The following MYH15 variants were observed in gnomAD, a reference collection of about 807,000 sequenced individuals.
MYH15 encodes the protein myosin-15.
In MYH15, 227 loss-of-function variants were observed where a neutral mutation model predicts 240.5. The ratio of observed to expected loss-of-function variants is 0.94; its 90% CI spans 0.85 to 1.05. The LOEUF is 1.05. Ranked by LOEUF, MYH15 falls within the 50% of genes least tolerant of loss-of-function variation. MYH15 has a pLI of 0.00. For missense variants in MYH15, 2,217 were observed against 2,247.5 expected, an observed-to-expected ratio of 0.99 and a Z score of 0.27; for synonymous variants, 785 against 796.7, an observed-to-expected ratio of 0.99 and a Z score of 0.25.
chr3:108,401,913 G>A (rs1220650642), intron 33 of MYH15, among the ~76,000 whole-genome samples: 3 of 152,096 alleles, frequency 2.0e-5, no homozygotes, highest in South Asian at 4.1e-4. Context: ...ATGCATTCAG[G>A]ACCAAGGGCA....
intron 11 of MYH15, among the ~76,000 whole-genome samples, chr3:108,481,748 G>C (rs902684487): frequency 2.6e-5 from 4 of 152,198 alleles, no homozygotes; most frequent in Admixed American, 6.5e-5. Flanking sequence ...GGATTAGAGA[G>C]AGACAGAGAA....
chr3:108,486,217 C>G (rs1360605659), intron 10 of MYH15, among the ~76,000 whole-genome samples: 1 of 152,158 alleles, frequency 6.6e-6, no homozygotes, highest in Non-Finnish European at 1.5e-5. Flanking sequence ...GTTGAAATAT[C>G]TTTCTACTTT....
At chr3:108,392,762 A>G (rs958753471) in intron 36 of MYH15, among the ~76,000 whole-genome samples, 2 of 152,238 alleles carry the variant, frequency 1.3e-5, no homozygotes, top group Non-Finnish European at 2.9e-5. Flanking sequence ...AGAAAATCTT[A>G]TCAAGGCAAG....
intron 3 of MYH15, 118 bp from the exon 4 acceptor site, chr3:108,500,392 G>C (rs2083427108): frequency 9.2e-7 from 1 of 1,089,894 alleles, no homozygotes; most frequent in African/African-American, 1.6e-5. Context: ...ACTCAGAGGG[G>C]AGCTTTTGGA....
chr3:108,547,516 T>C, the MYH15 span, among the ~76,000 whole-genome samples: 2,952 of 147,612 alleles, frequency 0.02, 106 homozygotes, highest in African/African-American at 0.07. Context: ...AAAAATAATA[T>C]CAAAAAGTTC....
chr3:108,430,808 C>A, intron 26 of MYH15, 24 bp downstream of exon 26: 1 of 1,548,446 alleles, frequency 6.5e-7, no homozygotes, highest in Non-Finnish European at 8.9e-7. Context: ...TATAAATACA[C>A]AGGCATATTT....
At chr3:108,444,995 T>TA in intron 21 of MYH15, 100 bp from the exon 22 acceptor site, 1 of 1,341,236 alleles carries the variant, frequency 7.5e-7, no homozygotes, top group East Asian at 2.4e-5. Context: ...TTAGGAGTCA[T>TA]AAAAAATTCT....
chr3:108,500,085 T>A, intron 4 of MYH15, 33 bp downstream of exon 4: 1 of 1,602,756 alleles, frequency 6.2e-7, no homozygotes, highest in Non-Finnish European at 8.5e-7. Flanking sequence ...GATCAGATAT[T>A]TTTACTTTTC....
upstream of MYH15, among the ~76,000 whole-genome samples, chr3:108,530,335 G>C (rs990948474): frequency 3.9e-5 from 6 of 152,102 alleles, 1 homozygote; most frequent in Admixed American, 3.3e-4. Context: ...AAAATTACCA[G>C]GCAGAAAAGG....
chr3:108,507,258 T>TTCAC (rs772256475), intron 1 of MYH15, among the ~76,000 whole-genome samples: 2 of 56,918 alleles, frequency 3.5e-5, no homozygotes, highest in East Asian at 4.3e-4. Context: ...TATATATATA[T>TTCAC]ATATATATAT....
chr3:108,544,429 T>G, the MYH15 span, among the ~76,000 whole-genome samples: 1 of 152,146 alleles, frequency 6.6e-6, no homozygotes, highest in Non-Finnish European at 1.5e-5. Flanking sequence ...AGTATGATCA[T>G]AAGTTGGGTG....
intron 1 of MYH15, among the ~76,000 whole-genome samples, chr3:108,516,967 C>T (rs779691386): frequency 4.6e-4 from 70 of 152,288 alleles, no homozygotes; most frequent in South Asian, 1.2e-3. Flanking sequence ...TCCCATCCCT[C>T]CACAGAAACT....
intron 18 of MYH15, among the ~76,000 whole-genome samples, chr3:108,458,051 T>C (rs1432246561): frequency 7.5e-6 from 1 of 134,014 alleles, no homozygotes; most frequent in African/African-American, 2.6e-5. Flanking sequence ...CTGTCTCAAA[T>C]TATTTTTTTT....
intron 25 of MYH15, among the ~76,000 whole-genome samples, chr3:108,431,755 G>A (rs1211003882): frequency 6.6e-6 from 1 of 152,156 alleles, no homozygotes; most frequent in African/African-American, 2.4e-5. Flanking sequence ...GAAGAAGAAA[G>A]GAAAATGCGG....
Position 108,505,715 on chromosome 3 carries a change from T to G in MYH15, c.195+8A>C, listed in dbSNP as rs771573602. 1.3e-6 allele frequency: 2 copies of G among 1,573,080 alleles called. No homozygotes were observed. Among genetic ancestry groups the G allele is most frequent in the South Asian group, 2.3e-5 (2 of 87,580 alleles). On this transcript the variant is annotated splice_region_variant and intron_variant, in intron 2 of 40. Coordinates refer to ENST00000693548, the MANE Select transcript of MYH15 (RefSeq NM_014981.3). Reference sequence around the variant, plus strand: ...GTCATCACTGCAATGAAATAAAAATTTCTTTACCTCTCCATCTGCTGTCTC... The same window carrying G: ...GTCATCACTGCAATGAAATAAAAATGTCTTTACCTCTCCATCTGCTGTCTC...
intron 27 of MYH15, among the ~76,000 whole-genome samples, chr3:108,426,217 A>C (rs972700847): frequency 6.6e-6 from 1 of 151,854 alleles, no homozygotes; most frequent in African/African-American, 2.4e-5. Flanking sequence ...AAAAAAAAAA[A>C]AACCCTAAGG....
Position 108,487,683 on chromosome 3 carries a change from C to CAAGG in MYH15, c.872-1161_872-1158dup, listed in dbSNP as rs1377784875. Among the ~76,000 whole-genome samples, 4 of 152,080 alleles carry CAAGG rather than the reference C, an allele frequency of 2.6e-5. No individual in the cohort carries two copies. The East Asian group carries it at 7.7e-4, about 29-fold the overall frequency. ...CAGGAGGGAGGTATTATAAAAGATC[C>CAAGG]AAGGACACTTTTGAAAGTATACATG... On this transcript the variant is annotated intron_variant, in intron 9 of 40. Transcript: ENST00000693548.
In MYH15 at chr3:108,416,898, C is replaced by T. The variant is rs368413041; in HGVS notation, c.3862G>A (p.Ala1288Thr). Residue 1288 changes from alanine to threonine, a missense_variant, in exon 29 of 41, where the codon GCT becomes ACT. By Grantham distance (58) the Ala-to-Thr change is moderately conservative. Transcript: ENST00000693548. ...EFLRRLEEKE[A>T]LINQLSREKS... The stretch of plus-strand genomic sequence containing the variant: ...TCCCTGGAAAGTTGGTTTATCAGAG[C>T]CTCCTTCTCTTCAAGCCTCCGTAGG... 1 of 1,613,846 alleles carries T rather than the reference C, an allele frequency of 6.2e-7. No individual in the cohort carries two copies. The highest frequency in any genetic ancestry group is 1.3e-5 in the African/African-American group (1 of 74,874).
intron 1 of MYH15, among the ~76,000 whole-genome samples, chr3:108,520,656 A>G (rs554113396): frequency 2.6e-5 from 4 of 152,302 alleles, no homozygotes; most frequent in South Asian, 2.1e-4. Context: ...TGCTTGCTAC[A>G]TAATAGGATT....
Sources: gnomAD v4.1 joint callset for allele counts (sites outside exome capture counted in the v4.1 genomes callset) on GRCh38, gnomAD v4.1.1 for gene constraint, MANE v1.5 for transcripts, NCBI Gene and HGNC (gene_info 2026-07-23, HGNC 2026-07-21) for gene names.